Variants in IQCH observed in about 807,000 individuals in gnomAD.
The protein encoded by IQCH is IQ domain-containing protein H.
In IQCH, 98 loss-of-function variants were observed where a neutral mutation model predicts 117.0. That is an observed-to-expected ratio of 0.84 (90% CI 0.71 to 0.99). The LOEUF is 0.99. Ranked by LOEUF, IQCH falls within the 50% of genes least tolerant of loss-of-function variation. The probability of loss-of-function intolerance (pLI) is 0.00; values close to 1 mark genes in which losing one functional copy is unlikely to be tolerated. For missense variants in IQCH, 1,102 were observed against 1,243.8 expected (o/e 0.89, Z 1.72); for synonymous variants, 412 against 448.2 (o/e 0.92, Z 1.02).
At chr15:67,469,175 C>T (rs1464933333) in intron 17 of IQCH, among the ~76,000 whole-genome samples, 1 of 152,018 alleles carries the variant, frequency 6.6e-6, no homozygotes, top group East Asian at 1.9e-4. Flanking sequence ...CTGAAATTCC[C>T]ACCTATTCCA....
rs1336899706 is a variant in IQCH, at chr15:67,387,657, C to A, written c.1457-1174C>A. ...GGTGGGCCAGGAGCACATTCACACA[C>A]CTGTGCTGTTTCTTGAGCACTTACT... On this transcript the variant is annotated intron_variant, in intron 11 of 20. Coordinates refer to ENST00000335894, the MANE Select transcript of IQCH (RefSeq NM_001031715.3). This position sits in a 1 kb window ranked among gnomAD's most constrained non-coding sequence, Gnocchi z 4.8. 2.0e-5 allele frequency among the ~76,000 whole-genome samples: 3 copies of A among 152,166 alleles called. No individual in the cohort carries two copies. The highest frequency in any genetic ancestry group is 7.2e-5 in the African/African-American group (3 of 41,440).
At chr15:67,275,607 G>A (rs1966089367) in intron 3 of IQCH, among the ~76,000 whole-genome samples, 2 of 152,126 alleles carry the variant, frequency 1.3e-5, no homozygotes, top group Non-Finnish European at 2.9e-5. Flanking sequence ...GCCAAATGTG[G>A]TGGCTCATGC....
Position 67,395,570 on chromosome 15 carries a change from G to A in IQCH, c.1905+7G>A. 1 of 1,612,180 alleles carries A rather than the reference G, an allele frequency of 6.2e-7. No individual in the cohort carries two copies. ...TATTTATAGTCAGCAACAGGTATGT[G>A]GGGTGGACAAGTGAAGCTCTGTTCA... On this transcript the variant is annotated splice_region_variant and intron_variant, in intron 13 of 20. Transcript: ENST00000335894. The surrounding 1 kb of genome is among the most constrained non-coding windows in gnomAD (Gnocchi z 4.0).
chr15:67,256,332 C>T (rs1016192986), intron 1 of IQCH, among the ~76,000 whole-genome samples: 4 of 152,184 alleles, frequency 2.6e-5, no homozygotes, highest in African/African-American at 9.7e-5. Context: ...AGAAGCTTAT[C>T]TGAGGCTTTG....
Position 67,422,408 on chromosome 15 carries a change from G to A in IQCH, c.2505+831G>A, listed in dbSNP as rs1437266732. 6.6e-6 allele frequency among the ~76,000 whole-genome samples: 1 copy of A among 151,970 alleles called. No homozygotes were observed. Among genetic ancestry groups the A allele is most frequent in the Non-Finnish European group, 1.5e-5 (1 of 67,996 alleles). Reference sequence around the variant, plus strand: ...TAAATAATAATATAATCAATATCATGTGCCCCTGCCCAGCTTAAGAAACAA... The same window carrying A: ...TAAATAATAATATAATCAATATCATATGCCCCTGCCCAGCTTAAGAAACAA... On this transcript the variant is annotated intron_variant, in intron 16 of 20. Coordinates refer to ENST00000335894, the MANE Select transcript of IQCH (RefSeq NM_001031715.3). The surrounding 1 kb of genome is among the most constrained non-coding windows in gnomAD (Gnocchi z 4.7).
chr15:67,397,606 T>C (rs1304602425), intron 13 of IQCH, among the ~76,000 whole-genome samples: 2 of 152,248 alleles, frequency 1.3e-5, no homozygotes, highest in Non-Finnish European at 2.9e-5. Flanking sequence ...CACTGACTTT[T>C]TACCGATGTG....
intron 4 of IQCH, among the ~76,000 whole-genome samples, chr15:67,314,297 T>C (rs998157278): frequency 2.6e-5 from 4 of 151,688 alleles, no homozygotes; most frequent in Non-Finnish European, 5.9e-5. Context: ...CCCACCCAAC[T>C]CTCCTATTGC....
In IQCH at chr15:67,473,486, CT is replaced by C. The variant is rs1416266674; in HGVS notation, c.2677-2209del. On this transcript the variant is annotated intron_variant, in intron 17 of 20. Transcript: ENST00000335894. This position sits in a 1 kb window ranked among gnomAD's most constrained non-coding sequence, Gnocchi z 4.9. ...TCTCTAAGGATGGTGTGACTGTCCC[CT>C]GTGCCATGTAATAATCACCTGCTTT... Among the ~76,000 whole-genome samples the C allele has an allele frequency of 1.3e-5, 2 of 152,244 alleles. No homozygotes were observed. The highest frequency in any genetic ancestry group is 4.8e-5 in the African/African-American group (2 of 41,472).
intron 3 of IQCH, among the ~76,000 whole-genome samples, chr15:67,278,584 T>C (rs552659914): frequency 6.6e-6 from 1 of 152,356 alleles, no homozygotes; most frequent in African/African-American, 2.4e-5. Context: ...CTGATAGATA[T>C]AAGAAGAGTT....
In IQCH at chr15:67,476,971, CTT is replaced by C. The variant is rs982716825; in HGVS notation, c.2799+1154_2799+1155del. Among the ~76,000 whole-genome samples, 4 of 150,566 alleles carry C rather than the reference CTT, an allele frequency of 2.7e-5. No homozygotes were observed. Among genetic ancestry groups the C allele is most frequent in the East Asian group, 1.9e-4 (1 of 5,140 alleles). ...AGATATTCAGTTCTACATTTATTAACTTATATTCTTTATACTTGAGACCAGTA... is the reference window on the plus strand; with the variant it reads ...AGATATTCAGTTCTACATTTATTAACATATTCTTTATACTTGAGACCAGTA... On this transcript the variant is annotated intron_variant, in intron 18 of 20. Transcript: ENST00000335894. This position sits in a 1 kb window ranked among gnomAD's most constrained non-coding sequence, Gnocchi z 4.1.
At chr15:67,329,002 A>G (rs1464707429) in intron 4 of IQCH, among the ~76,000 whole-genome samples, 1 of 152,190 alleles carries the variant, frequency 6.6e-6, no homozygotes, top group Non-Finnish European at 1.5e-5. Flanking sequence ...GTGCCTTTTA[A>G]AAAATGAATA....
chr15:67,460,289 T>TA (rs1379896100), intron 16 of IQCH, among the ~76,000 whole-genome samples: 1 of 152,210 alleles, frequency 6.6e-6, no homozygotes, highest in African/African-American at 2.4e-5. Context: ...CAGTTGCAGT[T>TA]ATCGTGATTC....
chr15:67,278,058 G>A (rs1966203755), intron 3 of IQCH, among the ~76,000 whole-genome samples: 1 of 152,160 alleles, frequency 6.6e-6, no homozygotes. Flanking sequence ...CTATTACCTT[G>A]ACAAGTTTTT....
At chr15:67,302,858 AAACAACAAC>A (rs60730280) in intron 4 of IQCH, among the ~76,000 whole-genome samples, 28 of 152,216 alleles carry the variant, frequency 1.8e-4, no homozygotes, top group South Asian at 1.5e-3. Context: ...CTCCGTCTCA[AAACAACAAC>A]AACAACAACA....
Position 67,494,475 on chromosome 15 carries a change from A to C in IQCH, c.2970+109A>C. Reference sequence around the variant, plus strand: ...AAACCATCTTTTTTTTATTGTAAGCAGTACATATTTTACAGTGTGCAGGGT... The same window carrying C: ...AAACCATCTTTTTTTTATTGTAAGCCGTACATATTTTACAGTGTGCAGGGT... On this transcript the variant is annotated intron_variant, in intron 20 of 20. Coordinates refer to ENST00000335894, the MANE Select transcript of IQCH (RefSeq NM_001031715.3). The surrounding 1 kb of genome is among the most constrained non-coding windows in gnomAD (Gnocchi z 5.5). 1.4e-6 allele frequency: 1 copy of C among 698,774 alleles called. No individual in the cohort carries two copies. The highest frequency in any genetic ancestry group is 2.4e-6 in the Non-Finnish European group (1 of 418,562). 43.3% of individuals were successfully genotyped at this position (698,774 alleles called of 1,614,324 possible). A position where few individuals can be genotyped will look rare whatever the true frequency, so the allele number is the denominator to read the frequency against.
intron 4 of IQCH, among the ~76,000 whole-genome samples, chr15:67,301,973 T>G (rs1350716216): frequency 6.6e-6 from 1 of 152,210 alleles, no homozygotes; most frequent in African/African-American, 2.4e-5. Context: ...TAACTATGTG[T>G]AGTGCTACAG....
At chr15:67,336,631 T>C (rs1029035118) in intron 4 of IQCH, among the ~76,000 whole-genome samples, 2 of 152,194 alleles carry the variant, frequency 1.3e-5, no homozygotes, top group Non-Finnish European at 2.9e-5. Context: ...GGTACAAAAC[T>C]TTGCTGTATT....
intron 3 of IQCH, among the ~76,000 whole-genome samples, chr15:67,274,970 A>G (rs1055918971): frequency 1.3e-5 from 2 of 152,192 alleles, no homozygotes; most frequent in South Asian, 2.1e-4. Context: ...TATTCTGGCA[A>G]TGTGGGTCAG....
intron 4 of IQCH, 143 bp downstream of exon 4, chr15:67,279,655 A>G: frequency 1.9e-6 from 1 of 534,750 alleles, no homozygotes; most frequent in Non-Finnish European, 3.4e-6. Flanking sequence ...TATAGTGGTG[A>G]TGATTGCACT....
Sources: allele counts gnomAD v4.1 joint callset (sites outside exome capture counted in the v4.1 genomes callset), GRCh38; gene constraint gnomAD v4.1.1; non-coding constraint Gnocchi (gnomAD v3.1); transcripts MANE v1.5; gene names NCBI Gene and HGNC (gene_info 2026-07-23, HGNC 2026-07-21).